Variants in VPS8 observed in about 807,000 individuals in gnomAD.
VPS8 encodes VPS8 subunit of CORVET complex.
VPS8 carries 129 observed loss-of-function variants against 216.4 expected under a neutral mutation model. That is an observed-to-expected ratio of 0.60 (90% CI 0.52 to 0.69). VPS8 has a LOEUF of 0.69. Ranked by LOEUF, VPS8 falls within the 30% of genes least tolerant of loss-of-function variation. The pLI is 0.00. For missense variants in VPS8, 1,531 were observed against 1,683.5 expected (o/e 0.91, Z 1.59); for synonymous variants, 571 against 565.4 (o/e 1.01, Z -0.14).
intron 44 of VPS8, among the ~76,000 whole-genome samples, chr3:184,997,376 G>C (rs576009439): frequency 4.7e-4 from 72 of 152,328 alleles, no homozygotes; most frequent in Non-Finnish European, 8.7e-4. Flanking sequence ...GTAGGGTTTT[G>C]TGAGGATTGA....
intron 40 of VPS8, among the ~76,000 whole-genome samples, chr3:184,976,623 C>G (rs1749310710): frequency 6.6e-6 from 1 of 152,010 alleles, no homozygotes. Flanking sequence ...TATCCCCCTC[C>G]TTCCTTCTTA....
intron 16 of VPS8, among the ~76,000 whole-genome samples, chr3:184,865,691 A>C (rs901181741): frequency 6.6e-6 from 1 of 152,206 alleles, no homozygotes; most frequent in African/African-American, 2.4e-5. Context: ...CACTTAATTA[A>C]AAGGTAAACA....
chr3:184,894,508 G>GTATATATACA (rs779876259), intron 22 of VPS8, among the ~76,000 whole-genome samples, 195 bp from the exon 23 acceptor site: 4 of 133,128 alleles, frequency 3.0e-5, no homozygotes, highest in Non-Finnish European at 6.4e-5. Context: ...ATATACACAC[G>GTATATATACA]TATATATATA....
intron 44 of VPS8, among the ~76,000 whole-genome samples, chr3:184,998,588 C>G (rs1478349075): frequency 7.1e-6 from 1 of 140,722 alleles, no homozygotes; most frequent in Non-Finnish European, 1.6e-5. Context: ...AGTATAAAGA[C>G]TATAGAAAAG....
At chr3:184,923,347 G>T (rs1738995796) in intron 29 of VPS8, among the ~76,000 whole-genome samples, 1 of 152,058 alleles carries the variant, frequency 6.6e-6, no homozygotes, top group African/African-American at 2.4e-5. Context: ...CTGTTTCATT[G>T]TTCCTTTAAC....
At chr3:184,967,942 T>G (rs1747697689) in intron 39 of VPS8, among the ~76,000 whole-genome samples, 1 of 152,162 alleles carries the variant, frequency 6.6e-6, no homozygotes, top group Non-Finnish European at 1.5e-5. Flanking sequence ...ATTAAGTATA[T>G]TCACGTAATT....
intron 45 of VPS8, among the ~76,000 whole-genome samples, chr3:185,021,563 C>T (rs762328705): frequency 6.6e-6 from 1 of 152,160 alleles, no homozygotes; most frequent in Middle Eastern, 3.2e-3. Flanking sequence ...AAAATTGGAT[C>T]ATTTTTAGCA....
At chr3:184,952,190 A>G (rs1393108875) in intron 36 of VPS8, among the ~76,000 whole-genome samples, 1 of 152,234 alleles carries the variant, frequency 6.6e-6, no homozygotes, top group Non-Finnish European at 1.5e-5. Context: ...GTGGGGAAAC[A>G]TTGGTTAACA....
chr3:184,971,808 C>G, intron 40 of VPS8, 56 bp downstream of exon 40: 9 of 1,447,620 alleles, frequency 6.2e-6, no homozygotes, highest in Non-Finnish European at 7.7e-6. Flanking sequence ...GACATGGTGG[C>G]CCACGTCTGT....
In VPS8 at chr3:184,894,840, T is replaced by C. The variant is rs1026113982; in HGVS notation, c.1919T>C (p.Ile640Thr). 4 of 1,610,586 alleles carry C rather than the reference T, an allele frequency of 2.5e-6. No individual in the cohort carries two copies. Among genetic ancestry groups the C allele is most frequent in the Non-Finnish European group, 3.4e-6 (4 of 1,178,238 alleles). ...GITPQVMKDL[I>T]VHFQDKKLME... ...ACACCCCAAGTAATGAAAGACTTGA[T>C]TGTTCATTTCCAAGATAAAAAATTA... The change falls in exon 23 of 48, where the codon ATT (isoleucine) becomes ACT (threonine). Residue 640 changes from isoleucine to threonine, a missense_variant. By Grantham distance (89) the Ile-to-Thr change is moderately conservative. Around this residue, in one of 3 missense-constraint regions of VPS8, gnomAD observed 1,318 missense variants for 1,468.4 expected, o/e 0.90. Transcript: ENST00000625842.
rs576927092 is a variant in VPS8 at position 184,887,280 on chromosome 3, A to G, written c.1781+1124A>G. Among the ~76,000 whole-genome samples, 105 of 152,252 alleles carry G rather than the reference A, an allele frequency of 6.9e-4. 3 individuals carry two copies. In the South Asian group the frequency reaches 0.022, roughly 32 times the overall value. ...GAGGATCGTTTGAGCGCAGGAAGTC[A>G]AGGCTGCAGCAAGCCATGATTGCAC... On this transcript the variant is annotated intron_variant, in intron 22 of 47. Coordinates refer to ENST00000625842, the MANE Select transcript of VPS8 (RefSeq NM_001009921.3).
At chr3:184,945,351 C>G (rs1560803851) in intron 36 of VPS8, among the ~76,000 whole-genome samples, 2 of 152,010 alleles carry the variant, frequency 1.3e-5, no homozygotes, top group East Asian at 3.9e-4. Flanking sequence ...GCATACCAAG[C>G]ACTTGACAGG....
chr3:184,820,277 C>T (rs1468578216), intron 1 of VPS8, among the ~76,000 whole-genome samples: 2 of 152,144 alleles, frequency 1.3e-5, no homozygotes, highest in East Asian at 3.9e-4. Flanking sequence ...CATCTGTTTC[C>T]TTGTCTTTCG....
intron 40 of VPS8, among the ~76,000 whole-genome samples, chr3:184,972,096 G>T (rs1748519867): frequency 6.7e-6 from 1 of 148,832 alleles, no homozygotes. Context: ...AAAAAAGCCT[G>T]TACTTGTCTG....
intron 46 of VPS8, among the ~76,000 whole-genome samples, chr3:185,046,872 CACA>C (rs980591892): frequency 3.8e-4 from 58 of 152,254 alleles, no homozygotes; most frequent in African/African-American, 1.4e-3. Context: ...GAGGGTTGGT[CACA>C]ACGCCAGTGA....
intron 2 of VPS8, 69 bp downstream of exon 2, chr3:184,824,854 A>G (rs1304296146): frequency 7.0e-7 from 1 of 1,436,586 alleles, no homozygotes; most frequent in African/African-American, 1.4e-5. Context: ...TTTGTGACCC[A>G]GAGACTCTAA....
chr3:184,879,720 A>G (rs1729945227), intron 21 of VPS8, among the ~76,000 whole-genome samples: 1 of 152,130 alleles, frequency 6.6e-6, no homozygotes, highest in Non-Finnish European at 1.5e-5. Flanking sequence ...CTGTGGAGCA[A>G]GGCAACTCTG....
chr3:185,034,772 CAAAA>C (rs1758657343), intron 46 of VPS8, among the ~76,000 whole-genome samples: 3 of 151,602 alleles, frequency 2.0e-5, no homozygotes, highest in Admixed American at 2.0e-4. Context: ...GGAGACTTAG[CAAAA>C]AAATATTTGC....
intron 25 of VPS8, among the ~76,000 whole-genome samples, chr3:184,908,715 G>A (rs141294152): frequency 0.018 from 2,720 of 152,294 alleles, 34 homozygotes; most frequent in Non-Finnish European, 0.029. Context: ...CAAGAAGAAT[G>A]AGGATATGCT....
Sources: gnomAD v4.1 joint callset for allele counts (sites outside exome capture counted in the v4.1 genomes callset) on GRCh38, gnomAD v4.1.1 for gene constraint, gnomAD v4.1.1 regional missense constraint, MANE v1.5 for transcripts, NCBI Gene and HGNC (gene_info 2026-07-23, HGNC 2026-07-21) for gene names.